The following HECW1 variants were observed in gnomAD, a reference collection of about 807,000 sequenced individuals.
HECW1 encodes the protein E3 ubiquitin-protein ligase HECW1.
HECW1 carries 61 observed loss-of-function variants against 182.3 expected under a neutral mutation model. The ratio of observed to expected loss-of-function variants is 0.33; its 90% CI spans 0.27 to 0.41. HECW1 has a LOEUF of 0.41. HECW1 is among the 10% of genes least tolerant of loss of function. The pLI is 1.00. For synonymous variants in HECW1, 859 were observed against 832.6 expected (o/e 1.03, Z -0.55); for missense variants, 1,739 against 2,108.9 (o/e 0.82, Z 3.44).
intron 5 of HECW1, among the ~76,000 whole-genome samples, chr7:43,344,369 G>A (rs1813405418): frequency 6.6e-6 from 1 of 150,934 alleles, no homozygotes; most frequent in Non-Finnish European, 1.5e-5. Context: ...TATGTTGACA[G>A]ATATCTCCTT....
At chr7:43,440,641 T>C in intron 9 of HECW1, 1 of 152,166 alleles carries the variant, frequency 6.6e-6, no homozygotes, top group East Asian at 1.9e-4. Context: ...GCATAATAAA[T>C]GTAATTTTTG....
At chr7:43,556,323 C>T (rs954885974) in intron 29 of HECW1, among the ~76,000 whole-genome samples, 1 of 152,146 alleles carries the variant, frequency 6.6e-6, no homozygotes, top group Admixed American at 6.5e-5. Flanking sequence ...CTGGCCAGTG[C>T]AGAGGGTAAG....
chr7:43,498,831 CT>C (rs1359366603), intron 19 of HECW1, among the ~76,000 whole-genome samples: 7 of 151,544 alleles, frequency 4.6e-5, no homozygotes, highest in Admixed American at 2.6e-4. Context: ...CTTCCCTTGC[CT>C]TAAAAAAAAA....
At chr7:43,497,285 G>A (rs76922785) in intron 19 of HECW1, among the ~76,000 whole-genome samples, 24,167 of 152,168 alleles carry the variant, frequency 0.16, 2,462 homozygotes, top group South Asian at 0.22. Flanking sequence ...AAAAATGAAA[G>A]AAAGCTAGTG....
chr7:43,208,637 T>C (rs1795712842), intron 2 of HECW1, among the ~76,000 whole-genome samples: 1 of 152,248 alleles, frequency 6.6e-6, no homozygotes. Context: ...CAAATGTGTG[T>C]CTTTTTACTA....
At position 43,507,162 on chromosome 7, in the gene HECW1, C is replaced by T. The variant is rs1293906491; in HGVS notation, c.3657C>T (p.Ala1219=). 8.7e-6 allele frequency: 14 copies of T among 1,613,794 alleles called. No individual in the cohort carries two copies. Among genetic ancestry groups the T allele is most frequent in the Non-Finnish European group, 1.2e-5 (14 of 1,179,854 alleles). ...SPGLQRASAR[A]PSPYRRDFEA... The stretch of plus-strand genomic sequence containing the variant: ...GTTTACAGAGAGCCAGTGCAAGAGC[C>T]CCTTCCCCCTACCGAAGAGACTTTG... The change falls in exon 22 of 30, where the codon GCC becomes GCT. Residue 1219 remains alanine, a synonymous_variant. Coordinates refer to ENST00000395891, the MANE Select transcript of HECW1 (RefSeq NM_015052.5).
chr7:43,174,734 T>C (rs1042791121), intron 2 of HECW1, among the ~76,000 whole-genome samples: 1 of 152,212 alleles, frequency 6.6e-6, no homozygotes, highest in African/African-American at 2.4e-5. Flanking sequence ...TTTTGGGGGA[T>C]GCACAAAGTT....
chr7:43,469,702 A>G (rs971928125), intron 16 of HECW1, among the ~76,000 whole-genome samples: 1 of 152,212 alleles, frequency 6.6e-6, no homozygotes, highest in Non-Finnish European at 1.5e-5. Flanking sequence ...GAGTCTGAAA[A>G]CAAGAAGGAT....
intron 2 of HECW1, among the ~76,000 whole-genome samples, chr7:43,136,989 C>A (rs1400618895): frequency 6.6e-6 from 1 of 152,178 alleles, no homozygotes; most frequent in Non-Finnish European, 1.5e-5. Flanking sequence ...CATTTTAATT[C>A]TTCTTGCCCT....
chr7:43,271,321 C>G (rs1019475522), intron 3 of HECW1, among the ~76,000 whole-genome samples: 1 of 152,120 alleles, frequency 6.6e-6, no homozygotes, highest in Non-Finnish European at 1.5e-5. Flanking sequence ...GGATACAACT[C>G]TCACCTATTC....
chr7:43,431,399 C>T (rs2076545041), intron 8 of HECW1, among the ~76,000 whole-genome samples: 1 of 152,170 alleles, frequency 6.6e-6, no homozygotes, highest in Non-Finnish European at 1.5e-5. Flanking sequence ...TCTTGGGAAT[C>T]CAGGCTCGGG....
chr7:43,133,721 T>G (rs941460882), intron 2 of HECW1, among the ~76,000 whole-genome samples: 1 of 152,152 alleles, frequency 6.6e-6, no homozygotes, highest in Admixed American at 6.5e-5. Context: ...TTTTATTGTT[T>G]TTTTAACTCA....
intron 2 of HECW1, among the ~76,000 whole-genome samples, chr7:43,137,961 G>A (rs572220959): frequency 2.0e-5 from 3 of 150,496 alleles, no homozygotes; most frequent in East Asian, 1.9e-4. Flanking sequence ...TTAAGATTCC[G>A]GCCATTATAT....
chr7:43,543,781 C>CAAAAAAAAAAAAAA (rs35618213), intron 26 of HECW1, among the ~76,000 whole-genome samples: 1 of 49,606 alleles, frequency 2.0e-5, no homozygotes, highest in Non-Finnish European at 4.5e-5. Flanking sequence ...CTCCATCTCA[C>CAAAAAAAAAAAAAA]AAAAAAAAAA....
intron 2 of HECW1, among the ~76,000 whole-genome samples, chr7:43,171,234 AGTG>A (rs140363043): frequency 0.034 from 5,155 of 152,316 alleles, 120 homozygotes; most frequent in Non-Finnish European, 0.054. Context: ...ATATATTCTG[AGTG>A]GTGGGAAATG....
rs549460480 is a variant in HECW1 at position 43,442,442 on chromosome 7, C to T, written c.945-87C>T. ...TCAGGACTTCCCTGGGCTTGCCTGC[C>T]TCACCCACTGGTATAGAAAGCACAC... is the stretch of plus-strand genomic sequence containing the variant. On this transcript the variant is annotated intron_variant, in intron 9 of 29. Transcript: ENST00000395891. The T allele has an allele frequency of 9.8e-6, 9 of 916,948 alleles. No homozygotes were observed. The South Asian group carries it at 1.1e-4, about 12-fold the overall frequency. 56.8% of individuals were successfully genotyped at this position (916,948 alleles called of 1,614,324 possible).
chr7:43,319,393 C>CAAAAGAAAAAAAA (rs1809760140), intron 4 of HECW1, among the ~76,000 whole-genome samples: 1 of 67,698 alleles, frequency 1.5e-5, no homozygotes, highest in African/African-American at 4.1e-5. Flanking sequence ...GACTCCGTCT[C>CAAAAGAAAAAAAA]AAAAAAAAAA....
chr7:43,137,031 A>G (rs1787613518), intron 2 of HECW1, among the ~76,000 whole-genome samples: 1 of 152,190 alleles, frequency 6.6e-6, no homozygotes. Flanking sequence ...TAGACCCACC[A>G]TCCAGGTCAA....
chr7:43,379,979 C>T (rs1358667786), intron 6 of HECW1, among the ~76,000 whole-genome samples: 1 of 152,230 alleles, frequency 6.6e-6, no homozygotes, highest in Non-Finnish European at 1.5e-5. Context: ...CAGCAGACGG[C>T]CCATAAAACA....
Sources: allele counts gnomAD v4.1 joint callset (sites outside exome capture counted in the v4.1 genomes callset), GRCh38; gene constraint gnomAD v4.1.1; transcripts MANE v1.5; gene names NCBI Gene and HGNC (gene_info 2026-07-23, HGNC 2026-07-21).